ELAVL2: variants seen among roughly 807,000 people sequenced by gnomAD.
ELAVL2 encodes the protein ELAV-like protein 2.
ELAVL2 carries 4 observed loss-of-function variants against 34.6 expected under a neutral mutation model. The observed-to-expected ratio is 0.12, with a 90% CI of 0.06 to 0.26. The LOEUF (loss-of-function observed/expected upper bound fraction) is 0.26. Ranked by LOEUF, ELAVL2 falls within the 10% of genes least tolerant of loss-of-function variation. ELAVL2 has a pLI of 1.00. For synonymous variants in ELAVL2, 193 were observed against 154.8 expected, an observed-to-expected ratio of 1.25 and a Z score of -1.83; for missense variants, 432 against 442.8, an observed-to-expected ratio of 0.98 and a Z score of 0.22.
At chr9:23,815,223 T>A (rs2063542719) in intron 1 of ELAVL2, among the ~76,000 whole-genome samples, 5 of 152,212 alleles carry the variant, frequency 3.3e-5, no homozygotes, top group Admixed American at 3.3e-4. Context: ...ATGAGAAATT[T>A]AAATTAAGAA....
intron 1 of ELAVL2, chr9:23,765,189 A>T: frequency 8.3e-7 from 1 of 1,208,468 alleles, no homozygotes; most frequent in Non-Finnish European, 1.2e-6. Context: ...GATTGTATTG[A>T]TATTCCCAGC....
At chr9:23,797,230 A>G (rs796525931) in intron 1 of ELAVL2, among the ~76,000 whole-genome samples, 1 of 152,194 alleles carries the variant, frequency 6.6e-6, no homozygotes, top group African/African-American at 2.4e-5. Flanking sequence ...GTGAACCTCT[A>G]TCCTCTGTTT....
chr9:23,717,737 T>A (rs555069374), intron 3 of ELAVL2, among the ~76,000 whole-genome samples: 1 of 152,312 alleles, frequency 6.6e-6, no homozygotes, highest in East Asian at 1.9e-4. Context: ...AATGGTCATA[T>A]AAACTAAGTG....
intron 1 of ELAVL2, among the ~76,000 whole-genome samples, chr9:23,813,888 T>G (rs1471950872): frequency 1.3e-5 from 2 of 152,182 alleles, no homozygotes; most frequent in African/African-American, 4.8e-5. Context: ...TACACTTAAC[T>G]TTTTAATTCA....
At chr9:23,835,890 C>T in the ELAVL2 span, among the ~76,000 whole-genome samples, 3 of 152,226 alleles carry the variant, frequency 2.0e-5, no homozygotes, top group Non-Finnish European at 2.9e-5. Flanking sequence ...CTTCAATAGG[C>T]GTCTGTCTGC....
At chr9:23,746,648 G>T (rs1167349298) in intron 2 of ELAVL2, among the ~76,000 whole-genome samples, 1 of 151,254 alleles carries the variant, frequency 6.6e-6, no homozygotes, top group Non-Finnish European at 1.5e-5. Context: ...TAGGCAGGCA[G>T]AAAGAGAGAG....
the ELAVL2 span, among the ~76,000 whole-genome samples, chr9:23,845,798 AAAGT>A: frequency 1.3e-5 from 2 of 151,862 alleles, no homozygotes; most frequent in Non-Finnish European, 3.0e-5. Context: ...ATTTAAAAAA[AAAGT>A]AAGGCAATTT....
rs527442772 is a variant in ELAVL2 at position 23,773,982 on chromosome 9, C to T, written c.-15-11733G>A. ...ATCCCTGCACTTTGGGAGGCCGAGGCGGGCAGATCACGAGGTCAGGATATC... is the reference window on the plus strand; with the variant it reads ...ATCCCTGCACTTTGGGAGGCCGAGGTGGGCAGATCACGAGGTCAGGATATC... On this transcript the variant is annotated intron_variant, in intron 1 of 6. Coordinates refer to ENST00000397312, the MANE Select transcript of ELAVL2 (RefSeq NM_004432.5). Among the ~76,000 whole-genome samples the T allele has an allele frequency of 7.9e-5, 12 of 151,918 alleles. No homozygotes were observed. The East Asian group carries it at 1.2e-3, about 15-fold the overall frequency.
At chr9:23,741,159 C>G (rs1026593795) in intron 2 of ELAVL2, among the ~76,000 whole-genome samples, 33 of 152,060 alleles carry the variant, frequency 2.2e-4, no homozygotes, top group Non-Finnish European at 4.9e-4. Flanking sequence ...CAGGTGTTTC[C>G]TGACAAACAA....
At chr9:23,786,695 C>T (rs746032754) in intron 1 of ELAVL2, among the ~76,000 whole-genome samples, 9 of 149,982 alleles carry the variant, frequency 6.0e-5, no homozygotes, top group Non-Finnish European at 1.0e-4. Context: ...GACCAGGAGC[C>T]TGTTAAGACA....
rs187697623 is a variant in ELAVL2, at chr9:23,691,678, A to T, written c.*879T>A. 8 of 152,750 alleles carry T rather than the reference A, an allele frequency of 5.2e-5. No individual in the cohort carries two copies. Among genetic ancestry groups the T allele is most frequent in the Admixed American group, 2.0e-4 (3 of 15,296 alleles). The allele number at this position is 152,750 out of a possible 1,614,324, so 9.5% of individuals were successfully genotyped here. On this transcript the variant is annotated 3_prime_UTR_variant, in exon 7 of 7. Coordinates refer to ENST00000397312, the MANE Select transcript of ELAVL2 (RefSeq NM_004432.5). ...CACTGGTGATTACAAAAATGAAACC[A>T]GCAGTGTTTCCCCCCATTGATTCTA... is the stretch of plus-strand genomic sequence containing the variant.
intron 2 of ELAVL2, among the ~76,000 whole-genome samples, chr9:23,760,538 C>A (rs1365050003): frequency 6.6e-6 from 1 of 151,926 alleles, no homozygotes; most frequent in Non-Finnish European, 1.5e-5. Context: ...AAAAACATCA[C>A]GACAGAGACG....
chr9:23,850,176 G>A, the ELAVL2 span, among the ~76,000 whole-genome samples: 3 of 151,826 alleles, frequency 2.0e-5, no homozygotes, highest in Non-Finnish European at 4.4e-5. Context: ...GTGGTTGGAG[G>A]GGAAATTGAT....
chr9:23,804,157 GATTT>G (rs1436535640), intron 1 of ELAVL2, among the ~76,000 whole-genome samples: 4 of 151,726 alleles, frequency 2.6e-5, no homozygotes, highest in Middle Eastern at 3.2e-3. Context: ...TTAAAAGATG[GATTT>G]ATTATTTATT....
intron 3 of ELAVL2, among the ~76,000 whole-genome samples, chr9:23,723,648 C>A (rs2044323451): frequency 6.6e-6 from 1 of 151,944 alleles, no homozygotes; most frequent in Non-Finnish European, 1.5e-5. Flanking sequence ...TCTTAGAAAT[C>A]AAACTCAAAC....
Position 23,824,998 on chromosome 9 carries a change from C to T in ELAVL2, c.-16+808G>A, listed in dbSNP as rs374484925. On this transcript the variant is annotated intron_variant, in intron 1 of 6. Coordinates refer to ENST00000397312, the MANE Select transcript of ELAVL2 (RefSeq NM_004432.5). ...GGCTTGGAATCCACTTCCCAGCGCC[C>T]AGCACAGCGAGGCTCCCAAGCAGCC... 4.6e-5 allele frequency among the ~76,000 whole-genome samples: 7 copies of T among 152,246 alleles called. No individual in the cohort carries two copies. The East Asian group carries it at 9.7e-4, about 21-fold the overall frequency.
At chr9:23,696,601 T>C (rs1287428717) in intron 5 of ELAVL2, among the ~76,000 whole-genome samples, 1 of 152,212 alleles carries the variant, frequency 6.6e-6, no homozygotes, top group East Asian at 1.9e-4. Flanking sequence ...CTCGAGTAGC[T>C]GGGACTACAG....
chr9:23,801,113 C>G (rs967926358), intron 1 of ELAVL2, among the ~76,000 whole-genome samples: 1 of 152,186 alleles, frequency 6.6e-6, no homozygotes, highest in Non-Finnish European at 1.5e-5. Context: ...CTAACAGACA[C>G]AGAAGCCCTC....
intron 2 of ELAVL2, among the ~76,000 whole-genome samples, chr9:23,740,191 A>C (rs1437531498): frequency 6.6e-6 from 1 of 152,186 alleles, no homozygotes; most frequent in Non-Finnish European, 1.5e-5. Context: ...TGCCCCATAA[A>C]TGCTATGTCT....
Sources: allele counts gnomAD v4.1 joint callset (sites outside exome capture counted in the v4.1 genomes callset), GRCh38; gene constraint gnomAD v4.1.1; transcripts MANE v1.5; gene names NCBI Gene and HGNC (gene_info 2026-07-23, HGNC 2026-07-21).